The following IL23R variants were observed in gnomAD, a reference collection of about 807,000 sequenced individuals.
The protein encoded by IL23R is interleukin 23 receptor.
In IL23R, 34 loss-of-function variants were observed where a neutral mutation model predicts 56.9. That is an observed-to-expected ratio of 0.60 (90% confidence interval 0.45 to 0.80). The LOEUF (loss-of-function observed/expected upper bound fraction) is 0.80, where lower values mean the gene tolerates loss of function less well. Among genes scored for constraint, IL23R ranks in the 30% least tolerant of loss-of-function variants. The probability of loss-of-function intolerance (pLI) is 0.00; values close to 1 mark genes in which losing one functional copy is unlikely to be tolerated. For synonymous variants in IL23R, 230 were observed against 249.2 expected, an observed-to-expected ratio of 0.92 and a Z score of 0.73; for missense variants, 635 against 730.0, an observed-to-expected ratio of 0.87 and a Z score of 1.50.
intron 3 of IL23R, among the ~76,000 whole-genome samples, chr1:67,170,061 A>G (rs1237749553): frequency 1.3e-5 from 2 of 152,316 alleles, no homozygotes; most frequent in Non-Finnish European, 2.9e-5. Flanking sequence ...CTAATATAAT[A>G]TAATTAACCT....
chr1:67,259,251 T>C lies in IL23R; in HGVS notation c.*123T>C, dbSNP rs1653114739. ...ATGTATTCACATACAAATCTTCACA[T>C]GGACACATGTTTTCATTTCCCTTGG... On this transcript the variant is annotated 3_prime_UTR_variant, in exon 11 of 11. Transcript: ENST00000347310. 1.1e-6 allele frequency: 1 copy of C among 916,768 alleles called. No individual in the cohort carries two copies. 56.8% of individuals were successfully genotyped at this position (916,768 alleles called of 1,614,324 possible). A position where few individuals can be genotyped will look rare whatever the true frequency, so the allele number is the denominator to read the frequency against.
intron 1 of IL23R, among the ~76,000 whole-genome samples, chr1:67,142,521 G>C (rs1359719490): frequency 6.6e-6 from 1 of 152,048 alleles, no homozygotes; most frequent in African/African-American, 2.4e-5. Context: ...TGCTCTCACA[G>C]GTATTTTATA....
At chr1:67,173,952 C>T (rs1440368585) in intron 3 of IL23R, among the ~76,000 whole-genome samples, 2 of 152,112 alleles carry the variant, frequency 1.3e-5, no homozygotes, top group African/African-American at 4.8e-5. Context: ...ATCATGACTT[C>T]ACTACATATA....
At chr1:67,183,744 A>C (rs1215463644) in intron 4 of IL23R, among the ~76,000 whole-genome samples, 1 of 152,184 alleles carries the variant, frequency 6.6e-6, no homozygotes, top group Non-Finnish European at 1.5e-5. Context: ...CACTAAATTC[A>C]TGGAAGCTAT....
intron 5 of IL23R, among the ~76,000 whole-genome samples, chr1:67,203,083 A>G (rs1648752629): frequency 6.6e-6 from 1 of 152,192 alleles, no homozygotes; most frequent in South Asian, 2.1e-4. Context: ...GTATCATTTT[A>G]GCAGTGCAAT....
At chr1:67,187,761 A>G (rs1482939099) in intron 4 of IL23R, among the ~76,000 whole-genome samples, 1 of 152,208 alleles carries the variant, frequency 6.6e-6, no homozygotes, top group Non-Finnish European at 1.5e-5. Context: ...TTTATGATAC[A>G]AATATCAGAA....
chr1:67,157,034 C>G (rs939937810), intron 1 of IL23R, among the ~76,000 whole-genome samples: 42 of 152,320 alleles, frequency 2.8e-4, no homozygotes, highest in African/African-American at 9.9e-4. Flanking sequence ...TACCGCTTCA[C>G]TTGGCTGGAG....
At chr1:67,265,242 T>G in the IL23R span, among the ~76,000 whole-genome samples, 1 of 152,210 alleles carries the variant, frequency 6.6e-6, no homozygotes. Context: ...CATTTTTATT[T>G]CTGAACTACA....
At chr1:67,186,767 C>T (rs182982296) in intron 4 of IL23R, among the ~76,000 whole-genome samples, 10 of 152,068 alleles carry the variant, frequency 6.6e-5, no homozygotes, top group South Asian at 2.1e-4. Flanking sequence ...TACAGGTGCA[C>T]GCCACCACGC....
intron 4 of IL23R, among the ~76,000 whole-genome samples, chr1:67,186,454 A>G (rs1647340486): frequency 6.7e-6 from 1 of 148,804 alleles, no homozygotes; most frequent in African/African-American, 2.5e-5. Flanking sequence ...TCATCATGCC[A>G]AAAAAAAAAT....
Position 67,206,989 on chromosome 1 carries a change from T to C in IL23R, c.732T>C (p.Ser244=), listed in dbSNP as rs746436132. 7 of 1,612,594 alleles carry C rather than the reference T, an allele frequency of 4.3e-6. No homozygotes were observed. The highest frequency in any genetic ancestry group is 1.7e-4 in the Middle Eastern group (1 of 6,060). ...CCAAGACCATAATTTATTGGGATAG[T>C]CAAACAACAATTGAAAAGGTTTCCT... ...TVPKTIIYWD[S]QTTIEKVSCE... The change falls in exon 6 of 11, where the codon AGT becomes AGC. Residue 244 remains serine (S), a synonymous_variant. Coordinates refer to ENST00000347310, the MANE Select transcript of IL23R (RefSeq NM_144701.3).
At chr1:67,171,252 A>T (rs868725692) in intron 3 of IL23R, among the ~76,000 whole-genome samples, 1 of 152,226 alleles carries the variant, frequency 6.6e-6, no homozygotes, top group South Asian at 2.1e-4. Flanking sequence ...CAGAGGAAAA[A>T]AAAGGAAGCA....
intron 6 of IL23R, among the ~76,000 whole-genome samples, chr1:67,216,261 T>A (rs1468216425): frequency 6.6e-6 from 1 of 152,248 alleles, no homozygotes; most frequent in East Asian, 1.9e-4. Context: ...AGATGTGCCA[T>A]GATCATTTTT....
intron 1 of IL23R, among the ~76,000 whole-genome samples, chr1:67,143,673 C>T (rs1357966638): frequency 6.6e-6 from 1 of 152,202 alleles, no homozygotes; most frequent in Non-Finnish European, 1.5e-5. Context: ...TACAAGTAGA[C>T]TGAGCACACT....
intron 6 of IL23R, among the ~76,000 whole-genome samples, chr1:67,216,921 C>A (rs191307019): frequency 2.0e-3 from 309 of 152,212 alleles, no homozygotes; most frequent in Non-Finnish European, 3.4e-3. Context: ...CCTCCTCTAC[C>A]AAACACTAGA....
At chr1:67,152,155 T>G (rs762296353) in intron 1 of IL23R, among the ~76,000 whole-genome samples, 2 of 152,204 alleles carry the variant, frequency 1.3e-5, no homozygotes, top group Admixed American at 6.5e-5. Flanking sequence ...TGGTTTGCAG[T>G]TCTCCTTGAA....
intron 6 of IL23R, among the ~76,000 whole-genome samples, chr1:67,211,395 C>T (rs990546813): frequency 5.9e-5 from 9 of 152,068 alleles, no homozygotes; most frequent in Non-Finnish European, 1.3e-4. Context: ...CCAAGGCAGG[C>T]GGATCACCTG....
chr1:67,258,065 C>G (rs1653049146), intron 10 of IL23R, among the ~76,000 whole-genome samples: 1 of 151,976 alleles, frequency 6.6e-6, no homozygotes, highest in African/African-American at 2.4e-5. Flanking sequence ...TCTCCCCAAC[C>G]TTTTTTTATT....
At chr1:67,202,751 C>A (rs1392813694) in intron 5 of IL23R, among the ~76,000 whole-genome samples, 1 of 152,016 alleles carries the variant, frequency 6.6e-6, no homozygotes, top group African/African-American at 2.4e-5. Flanking sequence ...TTTTTTAAAT[C>A]TCTTTTAGAG....
Sources: allele counts gnomAD v4.1 joint callset (sites outside exome capture counted in the v4.1 genomes callset), GRCh38; gene constraint gnomAD v4.1.1; transcripts MANE v1.5; gene names NCBI Gene and HGNC (gene_info 2026-07-23, HGNC 2026-07-21).